VCPKMT: variants seen among roughly 807,000 people sequenced by gnomAD.
VCPKMT encodes the protein valosin containing protein lysine methyltransferase, also known as protein N-lysine methyltransferase METTL21D.
In VCPKMT, 32 loss-of-function variants were observed where a neutral mutation model predicts 28.6. The observed-to-expected ratio is 1.12, with a 90% CI of 0.84 to 1.50. VCPKMT has a LOEUF of 1.50. Ranked by LOEUF, VCPKMT falls within the 40% of genes most tolerant of loss-of-function variation. The probability of loss-of-function intolerance (pLI) is 0.00; values close to 1 mark genes in which losing one functional copy is unlikely to be tolerated. For missense variants in VCPKMT, 366 were observed against 285.0 expected, an observed-to-expected ratio of 1.28 and a Z score of -2.05; for synonymous variants, 138 against 111.4, an observed-to-expected ratio of 1.24 and a Z score of -1.50.
In VCPKMT at chr14:50,116,548, G is replaced by C; in HGVS notation, c.5C>G (p.Ala2Gly). 6.2e-7 allele frequency: 1 copy of C among 1,603,598 alleles called. No individual in the cohort carries two copies. Among genetic ancestry groups the C allele is most frequent in the East Asian group, 2.2e-5 (1 of 44,544 alleles). ...CTCCAGCGAGGACTCCAGCGTATCC[G>C]CCATTGCGCCCGGCAACAGAAAGCG... is the stretch of plus-strand genomic sequence containing the variant. MADTLESSLEDP... is the reference protein window; with the variant it reads MGDTLESSLEDP... The change falls in exon 1 of 6, where the codon GCG becomes GGG. Residue 2 changes from alanine to glycine, a missense_variant. By Grantham distance (60) the Ala-to-Gly change is moderately conservative. Transcript: ENST00000395860.
Position 50,111,475 on chromosome 14 carries a change from A to T in VCPKMT, c.675+1140T>A, listed in dbSNP as rs893327137. 3.0e-6 allele frequency: 3 copies of T among 985,368 alleles called. 1 individual carries two copies. The highest frequency in any genetic ancestry group is 1.2e-4 in the Admixed American group (2 of 16,266). The allele number at this position is 985,368 out of a possible 1,614,324, so 61.0% of individuals were successfully genotyped here. A position where few individuals can be genotyped will look rare whatever the true frequency, so the allele number is the denominator to read the frequency against. On this transcript the variant is annotated intron_variant, in intron 5 of 5. Transcript: ENST00000395860. Reference sequence around the variant, plus strand: ...TTTACCACAAACATAATCAAAGCAAAGATGATAGAAAAAGTGTGGGCTTAT... The same window carrying T: ...TTTACCACAAACATAATCAAAGCAATGATGATAGAAAAAGTGTGGGCTTAT...
At position 50,109,502 on chromosome 14, in the gene VCPKMT, T is replaced by C; in HGVS notation, c.*197A>G. ...TAACCTAAGCTGGATTCAGGGCCAT[T>C]GGCAGGCAGGCAGGCAAGCAGGAAT... On this transcript the variant is annotated 3_prime_UTR_variant, in exon 6 of 6. Transcript: ENST00000395860. 1 of 1,315,536 alleles carries C rather than the reference T, an allele frequency of 7.6e-7. No homozygotes were observed. The highest frequency in any genetic ancestry group is 2.2e-5 in the South Asian group (1 of 44,840). 81.5% of individuals were successfully genotyped at this position (1,315,536 alleles called of 1,614,324 possible). A position where few individuals can be genotyped will look rare whatever the true frequency, so the allele number is the denominator to read the frequency against.
Position 50,109,390 on chromosome 14 carries a change from T to C in VCPKMT, c.*309A>G, listed in dbSNP as rs1882486224. ...TCCAGTCAAATCATGTTGGCTGTTT[T>C]TGGCAGATTTCAGCCTCGCCTCAAT... On this transcript the variant is annotated 3_prime_UTR_variant, in exon 6 of 6. Coordinates refer to ENST00000395860, the MANE Select transcript of VCPKMT (RefSeq NM_024558.3). 3 of 1,097,272 alleles carry C rather than the reference T, an allele frequency of 2.7e-6. No individual in the cohort carries two copies. The highest frequency in any genetic ancestry group is 3.3e-6 in the Non-Finnish European group (3 of 903,674). The allele number at this position is 1,097,272 out of a possible 1,614,324, so 68.0% of individuals were successfully genotyped here.
At chr14:50,103,125 T>C in the VCPKMT span, among the ~76,000 whole-genome samples, 1 of 152,268 alleles carries the variant, frequency 6.6e-6, no homozygotes, top group African/African-American at 2.4e-5. Flanking sequence ...CTCCTTCCAG[T>C]GTGGCCCAGG....
chr14:50,109,856 A>C (rs1256138429), intron 5 of VCPKMT, 143 bp from the exon 6 acceptor site: 1 of 936,012 alleles, frequency 1.1e-6, no homozygotes, highest in Non-Finnish European at 1.5e-6. Context: ...ACAACCATGC[A>C]TGTTTATAGA....
At chr14:50,103,512 T>C in the VCPKMT span, among the ~76,000 whole-genome samples, 2 of 152,118 alleles carry the variant, frequency 1.3e-5, no homozygotes, top group African/African-American at 2.4e-5. Context: ...GAAGGAGGAA[T>C]TGAGTAAGGG....
chr14:50,110,394 A>G (rs1477174024), intron 5 of VCPKMT, among the ~76,000 whole-genome samples: 1 of 152,214 alleles, frequency 6.6e-6, no homozygotes, highest in Non-Finnish European at 1.5e-5. Flanking sequence ...AACTCTCACA[A>G]CTCAAAGTAA....
At chr14:50,103,791 CAGCAATGTT>C, downstream of VCPKMT, among the ~76,000 whole-genome samples, 1 of 152,272 alleles carries the variant, frequency 6.6e-6, no homozygotes, top group Non-Finnish European at 1.5e-5. Flanking sequence ...CGTGACTGGG[CAGCAATGTT>C]TACATGCATC....
In VCPKMT at chr14:50,116,132, T is replaced by C. The variant is rs1883179321; in HGVS notation, c.314A>G (p.Lys105Arg). 9.3e-6 allele frequency: 15 copies of C among 1,614,024 alleles called. No homozygotes were observed. The highest frequency in any genetic ancestry group is 1.3e-5 in the Non-Finnish European group (15 of 1,180,040). ...TDLEELQDLL[K>R]MNINMNKHLV... Reference sequence around the variant, plus strand: ...ATGCTTGTTCATATTAATATTCATCTTCAGCAAGTCTTGCAATTCCTCAAG... The same window carrying C: ...ATGCTTGTTCATATTAATATTCATCCTCAGCAAGTCTTGCAATTCCTCAAG... The change falls in exon 2 of 6, where the codon AAG becomes AGG. Residue 105 changes from lysine (K) to arginine (R), a missense_variant. Coordinates refer to ENST00000395860, the MANE Select transcript of VCPKMT (RefSeq NM_024558.3).
At position 50,112,712 on chromosome 14, in the gene VCPKMT, T is replaced by C. The variant is rs1439056802; in HGVS notation, c.578A>G (p.Gln193Arg). ...EIEKKYFELL[Q>R]LDFDFEKIPL... ...AATTTTTTCAAAGTCAAAATCTAGC[T>C]GAAGGAGCTATAAATTTAAAAGAGA... Residue 193 changes from glutamine (Q) to arginine (R), a missense_variant, in exon 5 of 6, where the codon CAG becomes CGG. By Grantham distance (43) the Gln-to-Arg change is conservative (BLOSUM62 1). Transcript: ENST00000395860. 6 of 1,563,012 alleles carry C rather than the reference T, an allele frequency of 3.8e-6. No homozygotes were observed. Among genetic ancestry groups the C allele is most frequent in the East Asian group, 2.3e-5 (1 of 43,382 alleles).
chr14:50,115,689 C>T, intron 3 of VCPKMT, 150 bp downstream of exon 3: 2 of 785,686 alleles, frequency 2.5e-6, no homozygotes, highest in Non-Finnish European at 4.1e-6. Flanking sequence ...TACATATGGT[C>T]CCTGGTGACT....
downstream of VCPKMT, among the ~76,000 whole-genome samples, chr14:50,104,154 A>T (rs1882245607): frequency 6.6e-6 from 1 of 152,238 alleles, no homozygotes; most frequent in Admixed American, 6.5e-5. Flanking sequence ...TTCAGAATGC[A>T]CGTGAGCAAA....
chr14:50,110,887 G>C (rs1266206962), intron 5 of VCPKMT, among the ~76,000 whole-genome samples: 1 of 152,200 alleles, frequency 6.6e-6, no homozygotes, highest in African/African-American at 2.4e-5. Context: ...TGTGCTGAGT[G>C]AAAGAAGACA....
At chr14:50,110,338 C>A (rs1280571614) in intron 5 of VCPKMT, among the ~76,000 whole-genome samples, 7 of 152,116 alleles carry the variant, frequency 4.6e-5, no homozygotes, top group African/African-American at 1.4e-4. Context: ...AGAAAATATT[C>A]ACAAATAATG....
chr14:50,111,500 T>C (rs1242405977), intron 5 of VCPKMT: 8 of 985,316 alleles, frequency 8.1e-6, no homozygotes, highest in East Asian at 2.3e-4. Context: ...TGTGGGCTTA[T>C]TGAATCTAGC....
chr14:50,106,176 C>T (rs1882312802), downstream of VCPKMT, among the ~76,000 whole-genome samples: 1 of 152,162 alleles, frequency 6.6e-6, no homozygotes, highest in African/African-American at 2.4e-5. Flanking sequence ...AACTACTATG[C>T]CTCTGATTAA....
chr14:50,111,199 C>T (rs1167098229), intron 5 of VCPKMT: 1 of 974,576 alleles, frequency 1.0e-6, no homozygotes, highest in Non-Finnish European at 1.2e-6. Context: ...AAAAAAAAAG[C>T]CTCTATATTT....
At position 50,116,188 on chromosome 14, in the gene VCPKMT, T is replaced by TA; in HGVS notation, c.267-10dup. On this transcript the variant is annotated splice_polypyrimidine_tract_variant and intron_variant, in intron 1 of 5. Coordinates refer to ENST00000395860, the MANE Select transcript of VCPKMT (RefSeq NM_024558.3). ...TGACTACAACATCAGCCCTATAAAA[T>TA]AACGTCGACTGAGGTGTAGGCACAG... The TA allele has an allele frequency of 2.5e-6, 4 of 1,613,980 alleles. No homozygotes were observed. Among genetic ancestry groups the TA allele is most frequent in the Non-Finnish European group, 3.4e-6 (4 of 1,179,986 alleles).
downstream of VCPKMT, among the ~76,000 whole-genome samples, chr14:50,108,060 G>A (rs562112978): frequency 1.4e-4 from 22 of 152,006 alleles, no homozygotes; most frequent in Non-Finnish European, 2.5e-4. Context: ...CTGTGGTGGC[G>A]CACCTGTAGT....
Sources: allele counts gnomAD v4.1 joint callset (sites outside exome capture counted in the v4.1 genomes callset), GRCh38; gene constraint gnomAD v4.1.1; transcripts MANE v1.5; gene names NCBI Gene and HGNC (gene_info 2026-07-23, HGNC 2026-07-21).